The following CDC37L1 variants were observed in gnomAD, a reference collection of about 807,000 sequenced individuals.
CDC37L1 encodes the protein cell division cycle 37 like 1, HSP90 cochaperone, also known as hsp90 co-chaperone Cdc37-like 1.
CDC37L1 carries 32 observed loss-of-function variants against 45.9 expected under a neutral mutation model. That is an observed-to-expected ratio of 0.70 (90% CI 0.53 to 0.94). The LOEUF (loss-of-function observed/expected upper bound fraction) is 0.94, where lower values mean the gene tolerates loss of function less well. Ranked by LOEUF, CDC37L1 falls within the 40% of genes least tolerant of loss-of-function variation. The pLI is 0.00. For synonymous variants in CDC37L1, 150 were observed against 133.0 expected (o/e 1.13, Z -0.88); for missense variants, 434 against 405.7 (o/e 1.07, Z -0.60).
rs1206247909 is a variant in CDC37L1 at position 4,701,895 on chromosome 9, A to G, written c.779A>G (p.Lys260Arg). 5.6e-6 allele frequency: 9 copies of G among 1,606,088 alleles called. No individual in the cohort carries two copies. Among genetic ancestry groups the G allele is most frequent in the South Asian group, 1.1e-5 (1 of 89,474 alleles). ...AEEEGYFEAF[K>R]NELEAFKSRV... ...GAAGAAGGTTATTTTGAAGCATTCA[A>G]AAATGAACTTGAAGCTTTCAAGTCA... The change falls in exon 6 of 7, where the codon AAA becomes AGA. Residue 260 changes from lysine (K) to arginine (R), a missense_variant. Lys to Arg is a conservative substitution (Grantham distance 26). Coordinates refer to ENST00000381854, the MANE Select transcript of CDC37L1 (RefSeq NM_017913.4).
rs142699976 is a variant in CDC37L1, at chr9:4,679,871, G to A, written c.104G>A (p.Cys35Tyr). ...DFDVFPSSPR[C>Y]PQLPGGGAQM... ...GACGTGTTCCCCAGTTCTCCCCGCT[G>A]CCCGCAGCTGCCAGGCGGCGGCGCC... The change falls in exon 1 of 7, where the codon TGC becomes TAC. Residue 35 changes from cysteine (C) to tyrosine (Y), a missense_variant. By Grantham distance (194) the Cys-to-Tyr change is radical. Transcript: ENST00000381854. The A allele has an allele frequency of 5.3e-5, 86 of 1,613,894 alleles. No homozygotes were observed. In the African/African-American group the frequency reaches 1.1e-3, roughly 21 times the overall value.
At chr9:4,694,399 A>G (rs1222677029) in intron 3 of CDC37L1, among the ~76,000 whole-genome samples, 1 of 151,412 alleles carries the variant, frequency 6.6e-6, no homozygotes, top group Admixed American at 6.6e-5. Context: ...TTTGTTCATA[A>G]AATTCCACAC....
At chr9:4,690,394 T>G (rs1841289405) in intron 3 of CDC37L1, among the ~76,000 whole-genome samples, 1 of 152,180 alleles carries the variant, frequency 6.6e-6, no homozygotes, top group Non-Finnish European at 1.5e-5. Flanking sequence ...GGCTGATCTC[T>G]GCAGTGCATT....
At chr9:4,704,859 C>G (rs1480939169) in intron 6 of CDC37L1, among the ~76,000 whole-genome samples, 1 of 152,002 alleles carries the variant, frequency 6.6e-6, no homozygotes, top group East Asian at 1.9e-4. Context: ...TTAGGTTTAT[C>G]CTGTAGACTA....
At chr9:4,705,986 C>T (rs376324607) in intron 6 of CDC37L1, 25 bp from the exon 7 acceptor site, 5 of 1,146,000 alleles carry the variant, frequency 4.4e-6, no homozygotes, top group Middle Eastern at 3.9e-4. Flanking sequence ...TTTCTCCCCC[C>T]AATCTACCTT....
intron 3 of CDC37L1, among the ~76,000 whole-genome samples, chr9:4,696,273 G>T (rs1313357310): frequency 6.6e-6 from 1 of 152,154 alleles, no homozygotes; most frequent in African/African-American, 2.4e-5. Flanking sequence ...TCTTGAGTCA[G>T]CTCTACAAAA....
Position 4,679,945 on chromosome 9 carries a change from GCCAAA to G in CDC37L1, c.132+49_132+53del, listed in dbSNP as rs1563765636. ...TGCGGAGGGATGGAGTGGTGCTGTC[GCCAAA>G]CCCCTGGAATGCCGCGTCTCCCAGA... On this transcript the variant is annotated intron_variant, in intron 1 of 6. Transcript: ENST00000381854. The G allele has an allele frequency of 4.4e-6, 7 of 1,605,644 alleles. No individual in the cohort carries two copies. The South Asian group carries it at 7.7e-5, about 18-fold the overall frequency.
chr9:4,703,942 G>C (rs1236098092), intron 6 of CDC37L1, among the ~76,000 whole-genome samples: 1 of 152,072 alleles, frequency 6.6e-6, no homozygotes, highest in African/African-American at 2.4e-5. Flanking sequence ...AATTCCTTAT[G>C]GTAAGTAATT....
chr9:4,685,318 C>G, intron 2 of CDC37L1, 160 bp downstream of exon 2: 1 of 595,056 alleles, frequency 1.7e-6, no homozygotes, highest in South Asian at 2.2e-5. Context: ...GTCAAAAAGT[C>G]TCAAAGCTCT....
intron 3 of CDC37L1, among the ~76,000 whole-genome samples, chr9:4,694,059 T>C (rs1324169832): frequency 6.6e-6 from 1 of 152,220 alleles, no homozygotes; most frequent in Non-Finnish European, 1.5e-5. Flanking sequence ...GTATATGCTG[T>C]TCCACTGAGT....
chr9:4,699,194 G>A (rs755602859), intron 5 of CDC37L1, among the ~76,000 whole-genome samples: 1 of 152,156 alleles, frequency 6.6e-6, no homozygotes, highest in Non-Finnish European at 1.5e-5. Flanking sequence ...ATAGCTAAAA[G>A]CCTGGAAACA....
intron 5 of CDC37L1, among the ~76,000 whole-genome samples, chr9:4,698,647 C>T (rs952585085): frequency 1.3e-5 from 2 of 151,940 alleles, no homozygotes; most frequent in Admixed American, 1.3e-4. Context: ...GCCTTAACAC[C>T]CAGAAATTCT....
intron 1 of CDC37L1, among the ~76,000 whole-genome samples, chr9:4,681,790 A>G (rs980563637): frequency 6.6e-6 from 1 of 152,210 alleles, no homozygotes; most frequent in African/African-American, 2.4e-5. Context: ...ACATTTTATA[A>G]TCCTAAAAAA....
In CDC37L1 at chr9:4,697,210, A is replaced by C. The variant is rs1413774672; in HGVS notation, c.623A>C (p.Lys208Thr). ...TGGTGTTTTCACCTGGAAGCTGAGA[A>C]GGTATTATTATGTGAACCTTGAGTT... The part of the protein sequence containing the change: ...ILWCFHLEAE[K>T]KGALMEQIAH... The change falls in exon 4 of 7, where the codon AAG becomes ACG. Residue 208 changes from lysine to threonine, a missense_variant and splice_region_variant. By Grantham distance (78) the Lys-to-Thr change is moderately conservative. Transcript: ENST00000381854. 4 of 1,345,168 alleles carry C rather than the reference A, an allele frequency of 3.0e-6. No individual in the cohort carries two copies. The highest frequency in any genetic ancestry group is 1.2e-5 in the South Asian group (1 of 83,878). The allele number at this position is 1,345,168 out of a possible 1,614,324, so 83.3% of individuals were successfully genotyped here. A position where few individuals can be genotyped will look rare whatever the true frequency, so the allele number is the denominator to read the frequency against.
At chr9:4,695,780 T>A (rs1003402563) in intron 3 of CDC37L1, among the ~76,000 whole-genome samples, 18 of 152,096 alleles carry the variant, frequency 1.2e-4, no homozygotes, top group Non-Finnish European at 2.5e-4. Flanking sequence ...TACAAGCATG[T>A]GCCACCATGC....
intron 1 of CDC37L1, among the ~76,000 whole-genome samples, chr9:4,684,059 G>C (rs1234412191): frequency 2.0e-5 from 3 of 152,162 alleles, no homozygotes; most frequent in Non-Finnish European, 4.4e-5. Flanking sequence ...GCCAAGGTGT[G>C]TAGATCACGA....
intron 2 of CDC37L1, among the ~76,000 whole-genome samples, chr9:4,686,008 C>T (rs191675069): frequency 2.4e-3 from 369 of 152,234 alleles, no homozygotes; most frequent in South Asian, 0.015. Flanking sequence ...ATAAAAAATA[C>T]GAAAATTAGC....
Position 4,695,819 on chromosome 9 carries a change from C to T in CDC37L1, c.509-1277C>T, listed in dbSNP as rs368453659. ...GCTTATCTCCTTTGAGACAGAGTCT[C>T]TCGCTCTGTCGCCCAGGCTGGAGTG... On this transcript the variant is annotated intron_variant, in intron 3 of 6. Coordinates refer to ENST00000381854, the MANE Select transcript of CDC37L1 (RefSeq NM_017913.4). Among the ~76,000 whole-genome samples the T allele has an allele frequency of 3.9e-5, 6 of 152,302 alleles. No homozygotes were observed. The East Asian group carries it at 5.8e-4, about 15-fold the overall frequency.
rs562180640 is a variant in CDC37L1, at chr9:4,697,912, G to C, written c.747+33G>C. 1.9e-5 allele frequency: 31 copies of C among 1,608,084 alleles called. No individual in the cohort carries two copies. In the South Asian group the frequency reaches 3.2e-4, roughly 17 times the overall value. ...GTTATTTGATATTGATAAATGGGAA[G>C]ATTTGGTCCCAGCTGAGACCTCTTT... is the stretch of plus-strand genomic sequence containing the variant. On this transcript the variant is annotated intron_variant, in intron 5 of 6. Coordinates refer to ENST00000381854, the MANE Select transcript of CDC37L1 (RefSeq NM_017913.4).
Sources: gnomAD v4.1 joint callset for allele counts (sites outside exome capture counted in the v4.1 genomes callset) on GRCh38, gnomAD v4.1.1 for gene constraint, MANE v1.5 for transcripts, NCBI Gene and HGNC (gene_info 2026-07-23, HGNC 2026-07-21) for gene names.